The following ATXN7 variants were observed in gnomAD, a reference collection of about 807,000 sequenced individuals.
ATXN7 encodes ataxin 7, also known as ataxin-7.
ATXN7 carries 12 observed loss-of-function variants against 70.5 expected under a neutral mutation model. The ratio of observed to expected loss-of-function variants is 0.17; its 90% CI spans 0.11 to 0.28. The LOEUF is 0.28. Ranked by LOEUF, ATXN7 falls within the 10% of genes least tolerant of loss-of-function variation. The pLI is 1.00. For missense variants in ATXN7, 1,256 were observed against 1,131.7 expected, an observed-to-expected ratio of 1.11 and a Z score of -1.58; for synonymous variants, 498 against 448.7, an observed-to-expected ratio of 1.11 and a Z score of -1.39.
intron 1 of ATXN7, among the ~76,000 whole-genome samples, chr3:63,888,769 C>T (rs1047444665): frequency 2.6e-5 from 4 of 151,994 alleles, no homozygotes; most frequent in Admixed American, 6.5e-5. Flanking sequence ...AGCGAGACTC[C>T]GTATCAAAAA....
chr3:63,988,408 T>C (rs13075134), intron 9 of ATXN7, 84 bp downstream of exon 9: 48,457 of 1,529,416 alleles, frequency 0.032, 875 homozygotes, highest in Non-Finnish European at 0.035. Context: ...GTCATGCTGT[T>C]GAGAAACATA....
At chr3:63,962,908 CTTTT>C (rs71631179) in intron 5 of ATXN7, among the ~76,000 whole-genome samples, 44 of 136,340 alleles carry the variant, frequency 3.2e-4, no homozygotes, top group Non-Finnish European at 5.7e-4. Context: ...TTTTGTATTT[CTTTT>C]TTTTTTTTTT....
At chr3:63,933,465 C>A (rs2074594953) in intron 4 of ATXN7, among the ~76,000 whole-genome samples, 2 of 152,130 alleles carry the variant, frequency 1.3e-5, no homozygotes, top group Admixed American at 1.3e-4. Flanking sequence ...CTTTTTTAAT[C>A]CACACAAAAT....
chr3:63,937,195 C>T (rs2074678290), intron 4 of ATXN7, among the ~76,000 whole-genome samples: 1 of 152,118 alleles, frequency 6.6e-6, no homozygotes, highest in Non-Finnish European at 1.5e-5. Flanking sequence ...AGTGTGTCGA[C>T]TGTTTTTCAG....
At chr3:63,996,528 C>T (rs764223620) in intron 12 of ATXN7, 45 bp downstream of exon 12, 21 of 1,578,844 alleles carry the variant, frequency 1.3e-5, no homozygotes, top group South Asian at 8.0e-5. Flanking sequence ...CATTTCTTCT[C>T]CCTTAAGATC....
chr3:63,912,704 CAG>C lies in ATXN7; in HGVS notation c.107_108del (p.Gln36ProfsTer52), dbSNP rs1491258126. The C allele has an allele frequency of 1.6e-4, 188 of 1,191,814 alleles. 1 individual carries two copies. In the East Asian group the frequency reaches 6.9e-3, roughly 44 times the overall value. The allele number at this position is 1,191,814 out of a possible 1,614,324, so 73.8% of individuals were successfully genotyped here. ...AAARQQQQQQ[Q>X]QQQPPPPQPQ... ...CGCCCGGCAGCAGCAGCAGCAGCAG[CAG>C]CAGCAGCAGCCGCCGCCTCCGCAGC... On this transcript the variant is annotated frameshift_variant, in exon 3 of 13. Transcript: ENST00000674280. LOFTEE classifies it high-confidence loss of function.
chr3:63,974,407 C>T (rs2075360390), intron 5 of ATXN7, among the ~76,000 whole-genome samples: 1 of 152,248 alleles, frequency 6.6e-6, no homozygotes, highest in Admixed American at 6.5e-5. Flanking sequence ...CCAGCCCTCA[C>T]CTTTATCCCT....
intron 5 of ATXN7, chr3:63,968,091 G>C: frequency 1.2e-6 from 1 of 851,900 alleles, no homozygotes; most frequent in Non-Finnish European, 1.8e-6. Flanking sequence ...AAGCAGATTT[G>C]GGAAGAGTTT....
intron 4 of ATXN7, among the ~76,000 whole-genome samples, chr3:63,925,169 G>T (rs1349186928): frequency 6.6e-6 from 1 of 152,206 alleles, no homozygotes; most frequent in African/African-American, 2.4e-5. Flanking sequence ...CGTCATTTCT[G>T]TGAAGGAAGA....
At chr3:63,871,108 A>G (rs948048955) in intron 1 of ATXN7, among the ~76,000 whole-genome samples, 1 of 151,946 alleles carries the variant, frequency 6.6e-6, no homozygotes, top group African/African-American at 2.4e-5. Flanking sequence ...AACATTCTCT[A>G]CTGATTTGCT....
chr3:63,996,263 TG>T lies in ATXN7; in HGVS notation c.2442del (p.Pro815LeufsTer15). The part of the protein sequence containing the change: ...LGPFIHQSNE[L>X]PVNSHGSFSH... ...CCATTCATTCACCAGTCCAATGAAC[TG>T]CCTGTCAACTCCCACGGCAGTTTTT... On this transcript the variant is annotated frameshift_variant, in exon 12 of 13. Coordinates refer to ENST00000674280, the MANE Select transcript of ATXN7 (RefSeq NM_001377405.1). LOFTEE classifies it high-confidence loss of function. 1 of 1,614,170 alleles carries T rather than the reference TG, an allele frequency of 6.2e-7. No individual in the cohort carries two copies. Among genetic ancestry groups the T allele is most frequent in the Non-Finnish European group, 8.5e-7 (1 of 1,180,030 alleles).
At chr3:63,936,040 G>A (rs2107351487) in intron 4 of ATXN7, among the ~76,000 whole-genome samples, 1 of 152,218 alleles carries the variant, frequency 6.6e-6, no homozygotes, top group South Asian at 2.1e-4. Context: ...TGGAGTAGGA[G>A]GTATGAATCA....
intron 1 of ATXN7, among the ~76,000 whole-genome samples, chr3:63,892,527 C>T (rs1471404761): frequency 6.6e-6 from 1 of 151,792 alleles, no homozygotes; most frequent in Non-Finnish European, 1.5e-5. Flanking sequence ...CAACTCCTGT[C>T]AACCGGAGTA....
intron 8 of ATXN7, among the ~76,000 whole-genome samples, chr3:63,985,966 GATGAGTT>G (rs1575990727): frequency 6.6e-6 from 1 of 152,218 alleles, no homozygotes; most frequent in Non-Finnish European, 1.5e-5. Flanking sequence ...AATTACCACT[GATGAGTT>G]ATAAAAAGAT....
chr3:63,974,813 A>G (rs1480536170), intron 5 of ATXN7, among the ~76,000 whole-genome samples: 1 of 152,222 alleles, frequency 6.6e-6, no homozygotes, highest in African/African-American at 2.4e-5. Flanking sequence ...TTAATAAGTT[A>G]TAAGAAAAGA....
intron 12 of ATXN7, among the ~76,000 whole-genome samples, chr3:63,996,921 A>T (rs2075769733): frequency 6.6e-6 from 1 of 152,206 alleles, no homozygotes; most frequent in South Asian, 2.1e-4. Flanking sequence ...CGCTGAGGAA[A>T]GCTGCGCTAA....
intron 8 of ATXN7, among the ~76,000 whole-genome samples, chr3:63,985,001 A>G (rs1166303315): frequency 1.3e-5 from 2 of 152,200 alleles, no homozygotes; most frequent in Non-Finnish European, 2.9e-5. Flanking sequence ...CAGTGTATGT[A>G]TATACTATGT....
intron 1 of ATXN7, chr3:63,873,891 TG>T (rs1702668914): frequency 6.6e-6 from 1 of 152,136 alleles, no homozygotes; most frequent in Admixed American, 6.5e-5. Context: ...TTTTCTTTTT[TG>T]TAGAGACTGT....
chr3:63,934,876 A>G (rs985301938), intron 4 of ATXN7, among the ~76,000 whole-genome samples: 4 of 152,188 alleles, frequency 2.6e-5, no homozygotes, highest in African/African-American at 9.7e-5. Context: ...AGAATGTTCT[A>G]TGCATTGTAG....
Sources: allele counts gnomAD v4.1 joint callset (sites outside exome capture counted in the v4.1 genomes callset), GRCh38; gene constraint gnomAD v4.1.1; transcripts MANE v1.5; gene names NCBI Gene and HGNC (gene_info 2026-07-23, HGNC 2026-07-21).